COL14A1: variants seen among roughly 807,000 people sequenced by gnomAD.
COL14A1 encodes the protein collagen type XIV alpha 1 chain, also known as collagen alpha-1(XIV) chain.
In COL14A1, 136 loss-of-function variants were observed where a neutral mutation model predicts 230.3. The ratio of observed to expected loss-of-function variants is 0.59; its 90% CI spans 0.51 to 0.68. The LOEUF (loss-of-function observed/expected upper bound fraction) is 0.68, where lower values mean the gene tolerates loss of function less well. Ranked by LOEUF, COL14A1 falls within the 30% of genes least tolerant of loss-of-function variation. The pLI, the probability that COL14A1 is intolerant of heterozygous loss-of-function variation, is 0.00. For missense variants in COL14A1, 1,976 were observed against 2,215.8 expected, an observed-to-expected ratio of 0.89 and a Z score of 2.17; for synonymous variants, 792 against 784.1, an observed-to-expected ratio of 1.01 and a Z score of -0.17.
intron 40 of COL14A1, among the ~76,000 whole-genome samples, chr8:120,321,753 C>T (rs1469662631): frequency 6.6e-6 from 1 of 152,102 alleles, no homozygotes; most frequent in Non-Finnish European, 1.5e-5. Context: ...TCAGCGTCGG[C>T]ACTTGCATTT....
chr8:120,290,124 A>G (rs1429651305), intron 34 of COL14A1, among the ~76,000 whole-genome samples: 2 of 152,210 alleles, frequency 1.3e-5, no homozygotes, highest in Non-Finnish European at 2.9e-5. Context: ...TTACAACTGC[A>G]AATGAACCTC....
chr8:120,362,626 A>G (rs1352534962), intron 45 of COL14A1, among the ~76,000 whole-genome samples: 1 of 152,230 alleles, frequency 6.6e-6, no homozygotes, highest in Non-Finnish European at 1.5e-5. Context: ...ACTCTGAAGA[A>G]TGAATGAATA....
intron 42 of COL14A1, 63 bp from the exon 43 acceptor site, chr8:120,341,262 A>G (rs959552355): frequency 2.7e-6 from 4 of 1,502,216 alleles, no homozygotes; most frequent in Non-Finnish European, 3.7e-6. Flanking sequence ...GAAAAGATGC[A>G]TGATTATCAC....
intron 26 of COL14A1, among the ~76,000 whole-genome samples, chr8:120,274,887 G>T (rs1321498896): frequency 1.3e-5 from 2 of 151,572 alleles, no homozygotes; most frequent in African/African-American, 4.8e-5. Context: ...CTCATGGATT[G>T]AAATAATTCT....
chr8:120,229,423 C>G (rs1818197268), intron 18 of COL14A1, among the ~76,000 whole-genome samples: 1 of 151,908 alleles, frequency 6.6e-6, no homozygotes, highest in Non-Finnish European at 1.5e-5. Context: ...CATCCATGTC[C>G]CTACAAAGGA....
chr8:120,206,927 T>A lies in COL14A1; in HGVS notation c.1040-16T>A, dbSNP rs369787861. ...CTTTGGGTAAGAGGTTTATTTGATA[T>A]GTTTTTTTAATTTAGCCTCAGCCCA... On this transcript the variant is annotated splice_polypyrimidine_tract_variant and intron_variant, in intron 9 of 47. Transcript: ENST00000297848. The A allele has an allele frequency of 3.1e-5, 50 of 1,590,384 alleles. No individual in the cohort carries two copies. Among genetic ancestry groups the A allele is most frequent in the Non-Finnish European group, 3.8e-5 (45 of 1,172,470 alleles).
chr8:120,232,301 G>A (rs1818298637), intron 19 of COL14A1, among the ~76,000 whole-genome samples: 1 of 151,736 alleles, frequency 6.6e-6, no homozygotes, highest in Non-Finnish European at 1.5e-5. Context: ...TAAGTTCTGG[G>A]ATACATGTGC....
At chr8:120,349,755 T>C (rs1172964341) in intron 45 of COL14A1, among the ~76,000 whole-genome samples, 14 of 128,610 alleles carry the variant, frequency 1.1e-4, no homozygotes, top group Non-Finnish European at 1.1e-4. Flanking sequence ...CAAATCTACA[T>C]CTGATTGGTT....
At chr8:120,250,566 C>G (rs748909120) in intron 21 of COL14A1, 51 bp from the exon 22 acceptor site, 1 of 1,591,488 alleles carries the variant, frequency 6.3e-7, no homozygotes, top group Non-Finnish European at 8.6e-7. Context: ...AAGAGTGCTT[C>G]TATTTTCCCA....
At chr8:120,244,942 C>T (rs1167810574) in intron 20 of COL14A1, among the ~76,000 whole-genome samples, 1 of 152,144 alleles carries the variant, frequency 6.6e-6, no homozygotes, top group African/African-American at 2.4e-5. Flanking sequence ...ATCAACCTAC[C>T]ACCTGGATCC....
At chr8:120,342,816 G>A (rs1420940958) in intron 44 of COL14A1, among the ~76,000 whole-genome samples, 1 of 152,172 alleles carries the variant, frequency 6.6e-6, no homozygotes, top group Admixed American at 6.5e-5. Context: ...TTCAGAAGCT[G>A]CCTCAGAAAG....
chr8:120,281,507 G>A (rs1272258954), intron 31 of COL14A1, among the ~76,000 whole-genome samples: 1 of 151,310 alleles, frequency 6.6e-6, no homozygotes, highest in Non-Finnish European at 1.5e-5. Context: ...TGAAGCTGCA[G>A]TGTGCCATGA....
chr8:120,320,137 C>T (rs1253479886), intron 40 of COL14A1, among the ~76,000 whole-genome samples: 1 of 152,122 alleles, frequency 6.6e-6, no homozygotes, highest in African/African-American at 2.4e-5. Context: ...TGTTTCCAAG[C>T]CCTCACTTTC....
Position 120,285,957 on chromosome 8 carries a change from G to A in COL14A1, c.4064G>A (p.Gly1355Glu). 1.9e-6 allele frequency: 3 copies of A among 1,575,414 alleles called. No homozygotes were observed. The highest frequency in any genetic ancestry group is 2.6e-6 in the Non-Finnish European group (3 of 1,145,378). Residue 1355 changes from glycine to glutamate, a missense_variant, in exon 33 of 48, where the codon GGA becomes GAA. By Grantham distance (98) the Gly-to-Glu change is moderately conservative. This residue lies in a region of COL14A1 where 1,791 missense variants were observed against 2,019.5 expected (regional missense o/e 0.89). Transcript: ENST00000297848. ...CCTGAAATTAGGAAAATTTTTTATG[G>A]AAGCTTTCACAAGGTTAGTAATGCT... ...EGPEIRKIFY[G>E]SFHKLHIVVS... is the part of the protein sequence containing the mutation.
chr8:120,371,159 T>A lies in COL14A1; in HGVS notation c.5319T>A (p.His1773Gln), dbSNP rs1230756788. ...SCSAYGVRAP[H>Q]PDQPEFTPVQ... ...CCCACTTTTCCTCTTTAGCTCCCCA[T>A]CCAGATCAGCCAGAGTTCACCCCTG... is the stretch of plus-strand genomic sequence containing the variant. Residue 1773 changes from histidine (H) to glutamine (Q), a missense_variant, in exon 48 of 48, where the codon CAT becomes CAA. Physicochemically the swap from His to Gln is conservative, Grantham distance 24. Transcript: ENST00000297848. The A allele has an allele frequency of 2.5e-6, 4 of 1,609,150 alleles. No homozygotes were observed. In the South Asian group the frequency reaches 3.3e-5, roughly 13 times the overall value.
chr8:120,154,106 A>G (rs1355957377), intron 2 of COL14A1, among the ~76,000 whole-genome samples: 2 of 152,216 alleles, frequency 1.3e-5, no homozygotes, highest in Non-Finnish European at 2.9e-5. Context: ...CAGTGTCCCT[A>G]TGTAAAAACT....
chr8:120,193,261 A>C (rs1159840896), intron 5 of COL14A1, among the ~76,000 whole-genome samples: 1 of 152,154 alleles, frequency 6.6e-6, no homozygotes, highest in Non-Finnish European at 1.5e-5. Context: ...TTTTCCTTCT[A>C]ACAGACAGGA....
intron 36 of COL14A1, among the ~76,000 whole-genome samples, chr8:120,302,881 G>A (rs945791721): frequency 6.6e-6 from 1 of 152,082 alleles, no homozygotes; most frequent in Non-Finnish European, 1.5e-5. Flanking sequence ...AGCATGAAAC[G>A]TTTTTCCATT....
At chr8:120,291,722 G>T (rs1488314232) in intron 34 of COL14A1, among the ~76,000 whole-genome samples, 1 of 151,984 alleles carries the variant, frequency 6.6e-6, no homozygotes, top group African/African-American at 2.4e-5. Flanking sequence ...GTTCACTGAA[G>T]AGCAACTATT....
Sources: gnomAD v4.1 joint callset for allele counts (sites outside exome capture counted in the v4.1 genomes callset) on GRCh38, gnomAD v4.1.1 for gene constraint, gnomAD v4.1.1 regional missense constraint, MANE v1.5 for transcripts, NCBI Gene and HGNC (gene_info 2026-07-23, HGNC 2026-07-21) for gene names.